The following C2orf49 variants were observed in gnomAD, a reference collection of about 807,000 sequenced individuals.
The protein encoded by C2orf49 is tRNA splicing ligase complex subunit 2, also known as tRNA-splicing ligase complex subunit ASW.
C2orf49 carries 11 observed loss-of-function variants against 20.6 expected under a neutral mutation model. The ratio of observed to expected loss-of-function variants is 0.53; its 90% CI spans 0.34 to 0.88. The LOEUF (loss-of-function observed/expected upper bound fraction) is 0.88. Ranked by LOEUF, C2orf49 falls within the 40% of genes least tolerant of loss-of-function variation. The pLI is 0.02. For synonymous variants in C2orf49, 134 were observed against 108.5 expected, an observed-to-expected ratio of 1.24 and a Z score of -1.46; for missense variants, 289 against 274.2, an observed-to-expected ratio of 1.05 and a Z score of -0.38.
At chr2:105,368,892 G>A in the C2orf49 span, among the ~76,000 whole-genome samples, 2 of 152,248 alleles carry the variant, frequency 1.3e-5, no homozygotes, top group Non-Finnish European at 2.9e-5. Context: ...TGGCCACTGT[G>A]TAAGACCAAA....
the C2orf49 span, chr2:105,361,424 G>A: frequency 1.9e-6 from 3 of 1,613,918 alleles, no homozygotes; most frequent in Non-Finnish European, 2.5e-6. Context: ...TGTATTTTGT[G>A]CCACCAAGTC....
the C2orf49 span, among the ~76,000 whole-genome samples, chr2:105,383,553 C>T: frequency 2.0e-5 from 3 of 152,256 alleles, no homozygotes; most frequent in South Asian, 4.1e-4. Context: ...AGCCTAATTC[C>T]CATAGGCATG....
At chr2:105,338,314 G>A (rs1679562143) in intron 1 of C2orf49, among the ~76,000 whole-genome samples, 1 of 149,100 alleles carries the variant, frequency 6.7e-6, no homozygotes, top group Non-Finnish European at 1.5e-5. Flanking sequence ...TTTATGTAGC[G>A]TATTTTGTTG....
At chr2:105,385,363 A>G in the C2orf49 span, among the ~76,000 whole-genome samples, 1 of 152,248 alleles carries the variant, frequency 6.6e-6, no homozygotes, top group Non-Finnish European at 1.5e-5. Context: ...TGGATGTGCT[A>G]GAATGATCCA....
intron 3 of C2orf49, among the ~76,000 whole-genome samples, chr2:105,343,860 A>T (rs1679739980): frequency 6.6e-6 from 1 of 151,504 alleles, no homozygotes; most frequent in Admixed American, 6.6e-5. Flanking sequence ...TATATATAAT[A>T]TAAAATATAT....
At chr2:105,363,838 C>A in the C2orf49 span, among the ~76,000 whole-genome samples, 1 of 152,142 alleles carries the variant, frequency 6.6e-6, no homozygotes, top group African/African-American at 2.4e-5. Context: ...GGGTTTGAAT[C>A]CTAACCCTAC....
At chr2:105,381,681 A>C in the C2orf49 span, among the ~76,000 whole-genome samples, 1 of 152,188 alleles carries the variant, frequency 6.6e-6, no homozygotes, top group Non-Finnish European at 1.5e-5. Context: ...CTTCACAGAC[A>C]GATTTTTGTC....
the C2orf49 span, chr2:105,367,633 ATTGTCT>A: frequency 6.2e-7 from 1 of 1,613,972 alleles, no homozygotes; most frequent in Non-Finnish European, 8.5e-7. Flanking sequence ...AGAAATTCTG[ATTGTCT>A]TTGGGGATGA....
the C2orf49 span, chr2:105,363,452 A>T: frequency 3.5e-5 from 56 of 1,609,438 alleles, no homozygotes; most frequent in Non-Finnish European, 4.8e-5. Context: ...CCGGTAAGTG[A>T]CCCCTCCCGT....
the C2orf49 span, among the ~76,000 whole-genome samples, chr2:105,382,572 A>G: frequency 6.6e-6 from 1 of 152,268 alleles, no homozygotes; most frequent in Admixed American, 6.5e-5. Flanking sequence ...CATGCAGTTT[A>G]GGCATTTACA....
chr2:105,347,570 ATTG>A lies in C2orf49; in HGVS notation c.*2200_*2202del, dbSNP rs1433628183. 2 of 152,244 alleles carry A rather than the reference ATTG, an allele frequency of 1.3e-5. No individual in the cohort carries two copies. Among genetic ancestry groups the A allele is most frequent in the Non-Finnish European group, 2.9e-5 (2 of 68,052 alleles). 9.4% of individuals were successfully genotyped at this position (152,244 alleles called of 1,614,324 possible). On this transcript the variant is annotated 3_prime_UTR_variant, in exon 4 of 4. Transcript: ENST00000258457. ...ATCAATGCTCATGTAGCAGCATATT[ATTG>A]AGCTATTTTGAGTTTGAAATGTGGA...
chr2:105,343,790 T>C (rs1679738581), intron 3 of C2orf49, among the ~76,000 whole-genome samples: 1 of 152,182 alleles, frequency 6.6e-6, no homozygotes, highest in Non-Finnish European at 1.5e-5. Flanking sequence ...TGGATGCTTG[T>C]TGGCACATTT....
the C2orf49 span, among the ~76,000 whole-genome samples, chr2:105,370,374 CA>C: frequency 1.1e-3 from 160 of 139,664 alleles, no homozygotes; most frequent in Middle Eastern, 3.8e-3. Flanking sequence ...GATCCTGGCT[CA>C]AAAAAAAAAA....
Position 105,343,093 on chromosome 2 carries a change from C to T in C2orf49, c.512C>T (p.Ala171Val). ...NNKTEHNNND[A>V]KQNHDLTHRK... is the part of the protein sequence containing the mutation. ...AAAACGGAACACAATAATAATGACG[C>T]TAAACAGAACCATGACTTAACGCAT... The change falls in exon 3 of 4, where the codon GCT (alanine) becomes GTT (valine). Residue 171 changes from alanine (A) to valine (V), a missense_variant. Physicochemically the swap from Ala to Val is moderately conservative, Grantham distance 64. Coordinates refer to ENST00000258457, the MANE Select transcript of C2orf49 (RefSeq NM_024093.3). The T allele has an allele frequency of 6.2e-7, 1 of 1,614,230 alleles. No individual in the cohort carries two copies. The highest frequency in any genetic ancestry group is 1.1e-5 in the South Asian group (1 of 91,082).
At position 105,342,969 on chromosome 2, in the gene C2orf49, C is replaced by G. The variant is rs1679710332; in HGVS notation, c.388C>G (p.Pro130Ala). The G allele has an allele frequency of 6.2e-7, 1 of 1,614,098 alleles. No homozygotes were observed. The highest frequency in any genetic ancestry group is 1.3e-5 in the African/African-American group (1 of 74,932). ...NGDNDRLKPP[P>A]QASFTSNAFR... ...AGATAATGATCGACTGAAGCCTCCC[C>G]CGCAGGCAAGCTTTACCAGTAATGC... The change falls in exon 3 of 4, where the codon CCG becomes GCG. Residue 130 changes from proline (P) to alanine (A), a missense_variant. Physicochemically the swap from Pro to Ala is conservative, Grantham distance 27 (BLOSUM62 -1). Transcript: ENST00000258457.
At chr2:105,356,522 C>G in the C2orf49 span, among the ~76,000 whole-genome samples, 1 of 152,126 alleles carries the variant, frequency 6.6e-6, no homozygotes, top group African/African-American at 2.4e-5. Context: ...TTACAGTGAG[C>G]TGTGATCATG....
At chr2:105,375,978 T>G in the C2orf49 span, 4 of 152,194 alleles carry the variant, frequency 2.6e-5, no homozygotes, top group Non-Finnish European at 5.9e-5. Context: ...TCTACACATG[T>G]GAACTCATGA....
At chr2:105,357,943 C>T in the C2orf49 span, 1 of 152,132 alleles carries the variant, frequency 6.6e-6, no homozygotes, top group African/African-American at 2.4e-5. Flanking sequence ...CTGTGTATGC[C>T]TTAGAGAATG....
chr2:105,382,827 A>G, the C2orf49 span, among the ~76,000 whole-genome samples: 1 of 152,126 alleles, frequency 6.6e-6, no homozygotes, highest in Non-Finnish European at 1.5e-5. Context: ...GCTTAAAATC[A>G]CCAATTTGTT....
Sources: gnomAD v4.1 joint callset for allele counts (sites outside exome capture counted in the v4.1 genomes callset) on GRCh38, gnomAD v4.1.1 for gene constraint, MANE v1.5 for transcripts, NCBI Gene and HGNC (gene_info 2026-07-23, HGNC 2026-07-21) for gene names.